BDP1: variants seen among roughly 807,000 people sequenced by gnomAD.
The protein encoded by BDP1 is BDP1 general transcription factor IIIB subunit.
A neutral mutation model predicts 266.6 loss-of-function variants in BDP1; 169 were observed. That is an observed-to-expected ratio of 0.63 (90% confidence interval 0.56 to 0.72). The LOEUF (loss-of-function observed/expected upper bound fraction) is 0.72. Among genes scored for constraint, BDP1 ranks in the 30% least tolerant of loss-of-function variants. BDP1 has a pLI of 0.00. For missense variants in BDP1, 3,015 were observed against 3,053.8 expected (o/e 0.99, Z 0.30); for synonymous variants, 1,090 against 1,022.4 (o/e 1.07, Z -1.26).
At position 71,565,044 on chromosome 5, in the gene BDP1, G is replaced by T; in HGVS notation, c.*159G>T. On this transcript the variant is annotated 3_prime_UTR_variant, in exon 39 of 39. Coordinates refer to ENST00000358731, the MANE Select transcript of BDP1 (RefSeq NM_018429.3). ...TTGATTTGAAGCTTTTATAATCAGT[G>T]GAAAACATTTCTGAGGTTCCTTTCA... is the stretch of plus-strand genomic sequence containing the variant. 1 of 665,682 alleles carries T rather than the reference G, an allele frequency of 1.5e-6. No individual in the cohort carries two copies. Among genetic ancestry groups the T allele is most frequent in the East Asian group, 3.0e-5 (1 of 33,668 alleles). The allele number at this position is 665,682 out of a possible 1,614,324, so 41.2% of individuals were successfully genotyped here. A position where few individuals can be genotyped will look rare whatever the true frequency, so the allele number is the denominator to read the frequency against.
intron 26 of BDP1, among the ~76,000 whole-genome samples, chr5:71,533,153 T>C (rs1459917019): frequency 6.6e-6 from 1 of 152,250 alleles, no homozygotes; most frequent in Non-Finnish European, 1.5e-5. Flanking sequence ...ATGGATATGG[T>C]ACATTTTGTA....
chr5:71,574,617 A>G, the BDP1 span, among the ~76,000 whole-genome samples: 14 of 152,340 alleles, frequency 9.2e-5, no homozygotes, highest in Non-Finnish European at 1.5e-4. Context: ...AATTTTAGGC[A>G]AAAGCTGTCT....
intron 8 of BDP1, among the ~76,000 whole-genome samples, chr5:71,484,287 C>T (rs1763128607): frequency 6.6e-6 from 1 of 151,978 alleles, no homozygotes; most frequent in African/African-American, 2.4e-5. Flanking sequence ...ATAACACTGA[C>T]CACCTACTAT....
At chr5:71,571,907 C>T (rs958734782), downstream of BDP1, among the ~76,000 whole-genome samples, 1 of 152,132 alleles carries the variant, frequency 6.6e-6, no homozygotes, top group Non-Finnish European at 1.5e-5. Flanking sequence ...TGTTGGGAGC[C>T]GAAAAGGCCA....
In BDP1 at chr5:71,544,637, T is replaced by C. The variant is rs550339529; in HGVS notation, c.6563+130T>C. 6.4e-6 allele frequency: 6 copies of C among 930,526 alleles called. No individual in the cohort carries two copies. The South Asian group carries it at 7.5e-5, about 12-fold the overall frequency. 57.6% of individuals were successfully genotyped at this position (930,526 alleles called of 1,614,324 possible). A position where few individuals can be genotyped will look rare whatever the true frequency, so the allele number is the denominator to read the frequency against. ...GCTCACGCCTGTAATCCCGGCACTT[T>C]GGGAGGCCAAGACGGGAGGATCACG... On this transcript the variant is annotated intron_variant, in intron 31 of 38. Transcript: ENST00000358731.
chr5:71,551,795 C>T (rs1742786246), intron 34 of BDP1, among the ~76,000 whole-genome samples: 1 of 150,512 alleles, frequency 6.6e-6, no homozygotes, highest in Non-Finnish European at 1.5e-5. Context: ...CCACCTCCCT[C>T]CCAGACGGGG....
At chr5:71,481,570 A>G (rs1762974577) in intron 7 of BDP1, among the ~76,000 whole-genome samples, 1 of 152,076 alleles carries the variant, frequency 6.6e-6, no homozygotes, top group East Asian at 1.9e-4. Flanking sequence ...ACAAAACAGA[A>G]TAAAAAATAG....
In BDP1 at chr5:71,567,065, T is replaced by C. The variant is rs1259176161; in HGVS notation, c.*2180T>C. 6.6e-6 allele frequency: 1 copy of C among 152,210 alleles called. No homozygotes were observed. The highest frequency in any genetic ancestry group is 1.9e-4 in the East Asian group (1 of 5,200). 9.4% of individuals were successfully genotyped at this position (152,210 alleles called of 1,614,324 possible). On this transcript the variant is annotated 3_prime_UTR_variant, in exon 39 of 39. Coordinates refer to ENST00000358731, the MANE Select transcript of BDP1 (RefSeq NM_018429.3). The stretch of plus-strand genomic sequence containing the variant: ...TATAATTCGGAGCGGAAATTGTCTA[T>C]AAGTAGGCATTTATTTCATGATTGA...
At position 71,509,631 on chromosome 5, in the gene BDP1, T is replaced by G; in HGVS notation, c.2539T>G (p.Leu847Val). The G allele has an allele frequency of 3.7e-6, 6 of 1,613,326 alleles. No individual in the cohort carries two copies. The highest frequency in any genetic ancestry group is 5.1e-6 in the Non-Finnish European group (6 of 1,179,846). ...TGTCTCTGGGGAAATGGCGGCAGCATTGAGAGAAACTGTAAGACTAGACAC... is the reference window on the plus strand; with the variant it reads ...TGTCTCTGGGGAAATGGCGGCAGCAGTGAGAGAAACTGTAAGACTAGACAC... Reference protein sequence around the residue: ...ILVSGEMAAALRETVRLDTSP... With the variant: ...ILVSGEMAAAVRETVRLDTSP... The change falls in exon 17 of 39, where the codon TTG becomes GTG. Residue 847 changes from leucine (L) to valine (V), a missense_variant. Coordinates refer to ENST00000358731, the MANE Select transcript of BDP1 (RefSeq NM_018429.3).
rs1742609680 is a variant in BDP1 at position 71,549,680 on chromosome 5, C to A, written c.6995+74C>A. 3 of 1,202,578 alleles carry A rather than the reference C, an allele frequency of 2.5e-6. No individual in the cohort carries two copies. In the South Asian group the frequency reaches 5.9e-5, roughly 24 times the overall value. The allele number at this position is 1,202,578 out of a possible 1,614,324, so 74.5% of individuals were successfully genotyped here. A position where few individuals can be genotyped will look rare whatever the true frequency, so the allele number is the denominator to read the frequency against. ...AACTAAGTAGCATTGATTGAACAAA[C>A]CATTCACCAATGTTAGTTGTTATTG... On this transcript the variant is annotated intron_variant, in intron 34 of 38. Transcript: ENST00000358731.
chr5:71,548,813 A>G (rs1439397379), intron 33 of BDP1, 68 bp downstream of exon 33: 3 of 1,118,796 alleles, frequency 2.7e-6, no homozygotes, highest in Non-Finnish European at 4.0e-6. Context: ...TTATTTAACT[A>G]TGGAAAAACA....
intron 1 of BDP1, among the ~76,000 whole-genome samples, chr5:71,457,684 C>T (rs1215328437): frequency 1.3e-5 from 2 of 151,982 alleles, no homozygotes; most frequent in Non-Finnish European, 2.9e-5. Flanking sequence ...ATTATGCATT[C>T]AACATAATTG....
At chr5:71,538,072 T>A (rs976327410) in intron 26 of BDP1, among the ~76,000 whole-genome samples, 1 of 152,272 alleles carries the variant, frequency 6.6e-6, no homozygotes, top group Non-Finnish European at 1.5e-5. Flanking sequence ...ATTTGTCATA[T>A]GCTTTTTCTG....
chr5:71,503,033 C>G (rs895819840), intron 15 of BDP1, among the ~76,000 whole-genome samples: 4 of 148,362 alleles, frequency 2.7e-5, no homozygotes, highest in Admixed American at 6.7e-5. Context: ...CCACCGCACT[C>G]CAGCCTAGGC....
At chr5:71,466,369 G>T in intron 5 of BDP1, 148 bp downstream of exon 5, 1 of 844,838 alleles carries the variant, frequency 1.2e-6, no homozygotes, top group East Asian at 2.7e-5. Context: ...ATAGAAAAGT[G>T]GGTTAGATTA....
intron 7 of BDP1, among the ~76,000 whole-genome samples, chr5:71,477,645 G>T (rs1204461464): frequency 1.5e-5 from 1 of 66,270 alleles, no homozygotes; most frequent in Admixed American, 1.2e-4. Flanking sequence ...TTGATATAGG[G>T]TCTCACTCTC....
At chr5:71,563,182 C>T (rs1048584829) in intron 38 of BDP1, among the ~76,000 whole-genome samples, 1 of 152,146 alleles carries the variant, frequency 6.6e-6, no homozygotes, top group Non-Finnish European at 1.5e-5. Context: ...CTCACTCACT[C>T]TGTCACCCAG....
chr5:71,532,800 C>T (rs1766332382), intron 26 of BDP1, among the ~76,000 whole-genome samples: 1 of 152,168 alleles, frequency 6.6e-6, no homozygotes, highest in African/African-American at 2.4e-5. Context: ...ATATAATTTA[C>T]ACACCATATG....
At chr5:71,506,786 AAC>A (rs70992971) in intron 16 of BDP1, among the ~76,000 whole-genome samples, 1,752 of 64,382 alleles carry the variant, frequency 0.027, 35 homozygotes, top group African/African-American at 0.053. Flanking sequence ...ATATATTTGA[AAC>A]ACACACACAC....
Sources: gnomAD v4.1 joint callset for allele counts (sites outside exome capture counted in the v4.1 genomes callset) on GRCh38, gnomAD v4.1.1 for gene constraint, MANE v1.5 for transcripts, NCBI Gene and HGNC (gene_info 2026-07-23, HGNC 2026-07-21) for gene names.